RAD51AP2: variants seen among roughly 807,000 people sequenced by gnomAD.
RAD51AP2 encodes the protein RAD51 associated protein 2, also known as RAD51-associated protein 2.
A neutral mutation model predicts 85.5 loss-of-function variants in RAD51AP2; 67 were observed. The ratio of observed to expected loss-of-function variants is 0.78; its 90% CI spans 0.64 to 0.96. The LOEUF is 0.96. Ranked by LOEUF, RAD51AP2 falls within the 40% of genes least tolerant of loss-of-function variation. The pLI is 0.00. For missense variants in RAD51AP2, 1,307 were observed against 1,332.4 expected (o/e 0.98, Z 0.30); for synonymous variants, 474 against 446.5 (o/e 1.06, Z -0.78).
At position 17,516,618 on chromosome 2, in the gene RAD51AP2, C is replaced by T; in HGVS notation, c.1798G>A (p.Asp600Asn). 5 of 1,574,664 alleles carry T rather than the reference C, an allele frequency of 3.2e-6. No homozygotes were observed. The highest frequency in any genetic ancestry group is 4.3e-6 in the Non-Finnish European group (5 of 1,164,382). Reference sequence around the variant, plus strand: ...ATGCATTCCTCTTCTAATTCAAAATCATTTTCAATTCTTGTTAAAGAGTCA... The same window carrying T: ...ATGCATTCCTCTTCTAATTCAAAATTATTTTCAATTCTTGTTAAAGAGTCA... Reference protein sequence around the residue: ...NFDSLTRIENDFELEEECIFK... With the variant: ...NFDSLTRIENNFELEEECIFK... The change falls in exon 1 of 3, where the codon GAT becomes AAT. Residue 600 changes from aspartate to asparagine, a missense_variant. Transcript: ENST00000399080.
Position 17,517,957 on chromosome 2 carries a change from T to C in RAD51AP2, c.459A>G (p.Ala153=). 1 of 1,614,210 alleles carries C rather than the reference T, an allele frequency of 6.2e-7. No individual in the cohort carries two copies. Among genetic ancestry groups the C allele is most frequent in the Admixed American group, 1.7e-5 (1 of 60,022 alleles). ...TGCTGGGCAGAAGTTGACTAACCCC[T>C]GCTTTGGAGCTATTACTGCGGTGCA... The part of the protein sequence containing the change: ...FSVHRSNSSK[A]GVSQLLPSTS... The change falls in exon 1 of 3, where the codon GCA becomes GCG. Residue 153 remains alanine, a synonymous_variant. Transcript: ENST00000399080.
intron 1 of RAD51AP2, among the ~76,000 whole-genome samples, chr2:17,514,415 A>T (rs1662583769): frequency 6.6e-6 from 1 of 152,188 alleles, no homozygotes; most frequent in Non-Finnish European, 1.5e-5. Flanking sequence ...CACAGACTCC[A>T]ACTGTACAAG....
At position 17,518,320 on chromosome 2, in the gene RAD51AP2, A is replaced by C; in HGVS notation, c.96T>G (p.Ser32Arg). 6.2e-7 allele frequency: 1 copy of C among 1,614,086 alleles called. No individual in the cohort carries two copies. The highest frequency in any genetic ancestry group is 8.5e-7 in the Non-Finnish European group (1 of 1,179,996). ...PPEDPDSQPP[S>R]SKRLCLEEPG... ...GCTCCTCAAGACAGAGCCGCTTGCT[A>C]CTAGGTGGTTGGGAATCCGGGTCCT... Residue 32 changes from serine to arginine, a missense_variant, in exon 1 of 3, where the codon AGT (serine) becomes AGG (arginine). Ser to Arg is a moderately radical substitution (Grantham distance 110). Transcript: ENST00000399080.
At chr2:17,511,596 T>C (rs1232610446) in intron 2 of RAD51AP2, among the ~76,000 whole-genome samples, 1 of 152,194 alleles carries the variant, frequency 6.6e-6, no homozygotes, top group Non-Finnish European at 1.5e-5. Flanking sequence ...GGGGTACATA[T>C]GTAAAACCAA....
At position 17,518,333 on chromosome 2, in the gene RAD51AP2, G is replaced by T. The variant is rs569697835; in HGVS notation, c.83C>A (p.Ser28Tyr). The T allele has an allele frequency of 2.5e-6, 4 of 1,613,994 alleles. No homozygotes were observed. The highest frequency in any genetic ancestry group is 3.4e-6 in the Non-Finnish European group (4 of 1,180,024). Reference sequence around the variant, plus strand: ...GAGCCGCTTGCTACTAGGTGGTTGGGAATCCGGGTCCTCAGGAGGCGTTAA... The same window carrying T: ...GAGCCGCTTGCTACTAGGTGGTTGGTAATCCGGGTCCTCAGGAGGCGTTAA... ...SSLTPPEDPD[S>Y]QPPSSKRLCL... is the part of the protein sequence containing the mutation. Residue 28 changes from serine to tyrosine, a missense_variant, in exon 1 of 3, where the codon TCC becomes TAC. Physicochemically the swap from Ser to Tyr is moderately radical, Grantham distance 144. Transcript: ENST00000399080.
In RAD51AP2 at chr2:17,510,971, A is replaced by G; in HGVS notation, c.3329-16T>C. The G allele has an allele frequency of 6.4e-7, 1 of 1,552,200 alleles. No individual in the cohort carries two copies. Among genetic ancestry groups the G allele is most frequent in the Non-Finnish European group, 8.7e-7 (1 of 1,149,306 alleles). ...AAGTGACTACCTAAAAATATAAGAC[A>G]ATAAAAGTAAAAATTATCAATAGTT... On this transcript the variant is annotated splice_polypyrimidine_tract_variant and intron_variant, in intron 2 of 2. Transcript: ENST00000399080.
In RAD51AP2 at chr2:17,515,931, A is replaced by AT. The variant is rs750411008; in HGVS notation, c.2484dup (p.Tyr829IlefsTer2). On this transcript the variant is annotated frameshift_variant, in exon 1 of 3. Coordinates refer to ENST00000399080, the MANE Select transcript of RAD51AP2 (RefSeq NM_001099218.3). LOFTEE classifies it high-confidence loss of function. ...ACTTCCTCTTTCAAAATTAAGTCAT[A>AT]TTTTTTTTCTTCTATTTCACTTAGC... is the stretch of plus-strand genomic sequence containing the variant. The AT allele has an allele frequency of 5.0e-6, 8 of 1,602,470 alleles. No homozygotes were observed. The highest frequency in any genetic ancestry group is 5.9e-6 in the Non-Finnish European group (7 of 1,177,032).
chr2:17,519,053 T>C (rs1333071638), upstream of RAD51AP2, among the ~76,000 whole-genome samples: 1 of 151,986 alleles, frequency 6.6e-6, no homozygotes, highest in Non-Finnish European at 1.5e-5. Context: ...GAGGAAAAAA[T>C]GTGTGGAAAT....
chr2:17,522,518 C>G (rs938755777), upstream of RAD51AP2, among the ~76,000 whole-genome samples: 8 of 151,748 alleles, frequency 5.3e-5, no homozygotes, highest in Admixed American at 5.3e-4. Context: ...TAGAAATAAC[C>G]TTTTTCCTGA....
intron 2 of RAD51AP2, among the ~76,000 whole-genome samples, chr2:17,513,070 G>A (rs1662538707): frequency 1.3e-5 from 2 of 151,944 alleles, no homozygotes; most frequent in Non-Finnish European, 2.9e-5. Flanking sequence ...AGAAATTTCT[G>A]ACCGGATTAT....
At chr2:17,524,394 C>T in the RAD51AP2 span, among the ~76,000 whole-genome samples, 4 of 151,998 alleles carry the variant, frequency 2.6e-5, no homozygotes, top group East Asian at 1.9e-4. Flanking sequence ...ATAGGATAAG[C>T]GCTACAGTAA....
Position 17,516,457 on chromosome 2 carries a change from A to C in RAD51AP2, c.1959T>G (p.Phe653Leu). 1 of 1,564,884 alleles carries C rather than the reference A, an allele frequency of 6.4e-7. No individual in the cohort carries two copies. The part of the protein sequence containing the change: ...MKPMLKKRKL[F>L]RTEQVFEKSK... ...ACTTTTCAAAAACTTGTTCAGTTCT[A>C]AATAACTTCCTTTTCTTTAACATAG... The change falls in exon 1 of 3, where the codon TTT (phenylalanine) becomes TTG (leucine). Residue 653 changes from phenylalanine to leucine, a missense_variant. Transcript: ENST00000399080.
Position 17,517,801 on chromosome 2 carries a change from A to G in RAD51AP2, c.615T>C (p.Phe205=). The G allele has an allele frequency of 6.2e-7, 1 of 1,614,124 alleles. No individual in the cohort carries two copies. The highest frequency in any genetic ancestry group is 8.5e-7 in the Non-Finnish European group (1 of 1,179,974). Residue 205 remains phenylalanine, a synonymous_variant, in exon 1 of 3, where the codon TTT becomes TTC. Coordinates refer to ENST00000399080, the MANE Select transcript of RAD51AP2 (RefSeq NM_001099218.3). The part of the protein sequence containing the change: ...VTFYKETKSP[F]HEIKNRCKAN... ...CTTTACATCTGTTCTTAATTTCATG[A>G]AATGGTGATTTAGTTTCCTTGTAAA... is the stretch of plus-strand genomic sequence containing the variant.
chr2:17,517,806 G>A lies in RAD51AP2; in HGVS notation c.610C>T (p.Pro204Ser), dbSNP rs752639416. ...DVTFYKETKSPFHEIKNRCKA... is the reference protein window; with the variant it reads ...DVTFYKETKSSFHEIKNRCKA... Reference sequence around the variant, plus strand: ...CATCTGTTCTTAATTTCATGAAATGGTGATTTAGTTTCCTTGTAAAAGGTA... The same window carrying A: ...CATCTGTTCTTAATTTCATGAAATGATGATTTAGTTTCCTTGTAAAAGGTA... Residue 204 changes from proline (P) to serine (S), a missense_variant, in exon 1 of 3, where the codon CCA (proline) becomes TCA (serine). Physicochemically the swap from Pro to Ser is moderately conservative, Grantham distance 74. This residue lies in a region of RAD51AP2 where 635 missense variants were observed against 643.6 expected (regional missense o/e 0.99). Coordinates refer to ENST00000399080, the MANE Select transcript of RAD51AP2 (RefSeq NM_001099218.3). 2 of 1,614,078 alleles carry A rather than the reference G, an allele frequency of 1.2e-6. No individual in the cohort carries two copies. Among genetic ancestry groups the A allele is most frequent in the Non-Finnish European group, 8.5e-7 (1 of 1,179,932 alleles).
upstream of RAD51AP2, among the ~76,000 whole-genome samples, chr2:17,523,037 T>G (rs1324734786): frequency 6.6e-6 from 1 of 151,922 alleles, no homozygotes; most frequent in Admixed American, 6.6e-5. Flanking sequence ...GAATCTATAG[T>G]CCACTCATTC....
rs755221006 is a variant in RAD51AP2, at chr2:17,518,060, G to C, written c.356C>G (p.Pro119Arg). The C allele has an allele frequency of 6.2e-6, 10 of 1,614,116 alleles. No individual in the cohort carries two copies. Among genetic ancestry groups the C allele is most frequent in the South Asian group, 1.1e-5 (1 of 91,084 alleles). The change falls in exon 1 of 3, where the codon CCC becomes CGC. Residue 119 changes from proline (P) to arginine (R), a missense_variant. Pro to Arg is a moderately radical substitution (Grantham distance 103). Transcript: ENST00000399080. ...FQMSSCLQSP[P>R]SQSPDSDLRA... Reference sequence around the variant, plus strand: ...CAAATCAGAATCAGGACTTTGTGAGGGGGGAGACTGCAAACAGCTACTCAT... The same window carrying C: ...CAAATCAGAATCAGGACTTTGTGAGCGGGGAGACTGCAAACAGCTACTCAT...
upstream of RAD51AP2, among the ~76,000 whole-genome samples, chr2:17,520,301 G>T (rs555376665): frequency 1.3e-5 from 2 of 152,076 alleles, no homozygotes; most frequent in South Asian, 2.1e-4. Flanking sequence ...ATTTATGTGG[G>T]TTTTTTCCTT....
At chr2:17,523,194 C>T (rs1194326145), upstream of RAD51AP2, among the ~76,000 whole-genome samples, 1 of 151,756 alleles carries the variant, frequency 6.6e-6, no homozygotes, top group East Asian at 1.9e-4. Flanking sequence ...GTCCTGGGCA[C>T]CCAGTCAATG....
chr2:17,512,029 T>C (rs1572290329), intron 2 of RAD51AP2, among the ~76,000 whole-genome samples: 1 of 152,250 alleles, frequency 6.6e-6, no homozygotes, highest in Non-Finnish European at 1.5e-5. Context: ...CTAAATGATA[T>C]ATAAAGCGCC....
Sources: allele counts gnomAD v4.1 joint callset (sites outside exome capture counted in the v4.1 genomes callset), GRCh38; gene constraint gnomAD v4.1.1; regional missense constraint gnomAD v4.1.1; transcripts MANE v1.5; gene names NCBI Gene and HGNC (gene_info 2026-07-23, HGNC 2026-07-21).